The following TLK2 variants were observed in gnomAD, a reference collection of about 807,000 sequenced individuals.
TLK2 encodes the protein tousled like kinase 2, also known as serine/threonine-protein kinase tousled-like 2.
TLK2 carries 6 observed loss-of-function variants against 117.3 expected under a neutral mutation model. The observed-to-expected ratio is 0.05, with a 90% confidence interval of 0.03 to 0.10. The LOEUF is 0.10. Ranked by LOEUF, TLK2 falls within the 10% of genes least tolerant of loss-of-function variation. The probability of loss-of-function intolerance (pLI) is 1.00; values close to 1 mark genes in which losing one functional copy is unlikely to be tolerated. For missense variants in TLK2, 299 were observed against 901.2 expected (o/e 0.33, Z 8.56); for synonymous variants, 257 against 316.7 (o/e 0.81, Z 2.00).
intron 9 of TLK2, among the ~76,000 whole-genome samples, chr17:62,554,427 T>C (rs1211866955): frequency 6.6e-6 from 1 of 151,894 alleles, no homozygotes; most frequent in Non-Finnish European, 1.5e-5. Context: ...TAAAAAAATA[T>C]AAAACGTTAT....
At chr17:62,492,968 G>T (rs906606393) in intron 2 of TLK2, among the ~76,000 whole-genome samples, 7 of 151,974 alleles carry the variant, frequency 4.6e-5, no homozygotes, top group African/African-American at 1.4e-4. Flanking sequence ...CATGTTGGTG[G>T]GCACCTGTAA....
rs564818082 is a variant in TLK2 at position 62,514,876 on chromosome 17, G to C, written c.82-5897G>C. 1.2e-3 allele frequency among the ~76,000 whole-genome samples: 184 copies of C among 152,308 alleles called. 3 individuals are homozygous for C. Among genetic ancestry groups the C allele is most frequent in the Admixed American group, 8.8e-3 (134 of 15,294 alleles). Reference sequence around the variant, plus strand: ...TTACAGGCGTGAGCCACCGCGCCCAGCCCTGAGCCACCGTGCCCGGCCCAC... The same window carrying C: ...TTACAGGCGTGAGCCACCGCGCCCACCCCTGAGCCACCGTGCCCGGCCCAC... On this transcript the variant is annotated intron_variant, in intron 2 of 21. Coordinates refer to ENST00000346027, the MANE Select transcript of TLK2 (RefSeq NM_006852.6).
chr17:62,607,835 T>G (rs1181768623), intron 20 of TLK2, among the ~76,000 whole-genome samples: 3 of 152,208 alleles, frequency 2.0e-5, no homozygotes, highest in African/African-American at 7.2e-5. Flanking sequence ...GACCTGGTAG[T>G]TGAACTGTGA....
At chr17:62,571,592 T>C (rs1014403765) in intron 11 of TLK2, among the ~76,000 whole-genome samples, 44 of 152,326 alleles carry the variant, frequency 2.9e-4, no homozygotes, top group African/African-American at 1.0e-3. Context: ...TGCTGTTCGA[T>C]TGATGTCTAA....
chr17:62,505,097 C>T (rs1464380784), intron 2 of TLK2, among the ~76,000 whole-genome samples: 1 of 152,038 alleles, frequency 6.6e-6, no homozygotes, highest in Admixed American at 6.6e-5. Context: ...GACTCAGCCT[C>T]CCAGAGTGTT....
At chr17:62,612,304 G>C (rs2083859773) in intron 21 of TLK2, 88 bp from the exon 22 acceptor site, 7 of 1,423,130 alleles carry the variant, frequency 4.9e-6, no homozygotes, top group African/African-American at 1.4e-5. Flanking sequence ...ATTTGCTCTG[G>C]GCCCTGGCAG....
chr17:62,566,667 G>A (rs1317363632), intron 11 of TLK2, among the ~76,000 whole-genome samples: 2 of 152,220 alleles, frequency 1.3e-5, no homozygotes, highest in Non-Finnish European at 2.9e-5. Flanking sequence ...ATGGAGGTAT[G>A]ATACCTGTTT....
At chr17:62,570,335 T>C (rs1466287221) in intron 11 of TLK2, among the ~76,000 whole-genome samples, 1 of 152,164 alleles carries the variant, frequency 6.6e-6, no homozygotes, top group African/African-American at 2.4e-5. Context: ...AATACTTCTG[T>C]AAAATATAGA....
intron 16 of TLK2, among the ~76,000 whole-genome samples, chr17:62,593,721 C>T (rs533446459): frequency 9.9e-5 from 15 of 151,684 alleles, no homozygotes; most frequent in South Asian, 8.4e-4. Flanking sequence ...GGATACCCTC[C>T]GAAGGACCCG....
chr17:62,532,385 A>G lies in TLK2; in HGVS notation c.364-3785A>G, dbSNP rs149111627. 5.2e-3 allele frequency among the ~76,000 whole-genome samples: 796 copies of G among 152,304 alleles called. 5 individuals are homozygous for G. The highest frequency in any genetic ancestry group is 0.018 in the African/African-American group (758 of 41,560). ...ACTGTTGCAGCTCGTTCTCCCATGC[A>G]GTGAGAATGTTGTCATCAATGGGTA... On this transcript the variant is annotated intron_variant, in intron 6 of 21. Transcript: ENST00000346027.
chr17:62,547,595 A>G (rs2078046120), intron 7 of TLK2, among the ~76,000 whole-genome samples: 1 of 152,158 alleles, frequency 6.6e-6, no homozygotes. Context: ...CTAACTGCCA[A>G]CGTCCTCAGT....
In TLK2 at chr17:62,565,317, C is replaced by G. The variant is rs180783095; in HGVS notation, c.968+180C>G. ...GGTGAAGTCCTGAAAAAAAACGACACAAGTAAAATCAGGAGTACAAAATGA... is the reference window on the plus strand; with the variant it reads ...GGTGAAGTCCTGAAAAAAAACGACAGAAGTAAAATCAGGAGTACAAAATGA... On this transcript the variant is annotated intron_variant, in intron 11 of 21. Transcript: ENST00000346027. 4.0e-3 allele frequency among the ~76,000 whole-genome samples: 603 copies of G among 152,118 alleles called. 13 individuals carry two copies. Among genetic ancestry groups the G allele is most frequent in the Admixed American group, 0.029 (442 of 15,276 alleles).
intron 2 of TLK2, among the ~76,000 whole-genome samples, chr17:62,510,054 G>A (rs2075023190): frequency 1.3e-5 from 2 of 152,202 alleles, no homozygotes; most frequent in South Asian, 4.1e-4. Flanking sequence ...AGAGGCGAGT[G>A]TACTGCTTGA....
chr17:62,570,204 TC>T (rs749103593), intron 11 of TLK2, among the ~76,000 whole-genome samples: 6 of 152,192 alleles, frequency 3.9e-5, no homozygotes, highest in East Asian at 1.9e-4. Flanking sequence ...CTTTAACACA[TC>T]TTTTGGGGGA....
intron 2 of TLK2, among the ~76,000 whole-genome samples, chr17:62,487,758 G>A (rs2144593292): frequency 6.7e-6 from 1 of 150,136 alleles, no homozygotes; most frequent in African/African-American, 2.4e-5. Context: ...CAAATAGCTG[G>A]GATTACAGGC....
intron 7 of TLK2, among the ~76,000 whole-genome samples, chr17:62,540,050 C>T (rs903524918): frequency 2.6e-5 from 4 of 151,150 alleles, no homozygotes; most frequent in Non-Finnish European, 5.9e-5. Context: ...TCCTCCTCCT[C>T]TTCCTCTTCT....
chr17:62,535,141 G>T (rs893814746), intron 6 of TLK2, among the ~76,000 whole-genome samples: 3 of 151,944 alleles, frequency 2.0e-5, no homozygotes, highest in African/African-American at 4.8e-5. Context: ...GCCTGCCTTG[G>T]CCTCCCAAAG....
At chr17:62,548,441 C>A (rs1305871775) in intron 7 of TLK2, among the ~76,000 whole-genome samples, 1 of 151,770 alleles carries the variant, frequency 6.6e-6, no homozygotes, top group African/African-American at 2.4e-5. Context: ...ACCACCACAC[C>A]TGGCTAATTT....
At chr17:62,549,735 A>C in intron 7 of TLK2, 1 of 149,134 alleles carries the variant, frequency 6.7e-6, no homozygotes, top group African/African-American at 2.5e-5. Context: ...CGCAACCTCC[A>C]CCTCCCGGGC....
Sources: gnomAD v4.1 joint callset for allele counts (sites outside exome capture counted in the v4.1 genomes callset) on GRCh38, gnomAD v4.1.1 for gene constraint, MANE v1.5 for transcripts, NCBI Gene and HGNC (gene_info 2026-07-23, HGNC 2026-07-21) for gene names.